Variants in USP42 observed in about 807,000 individuals in gnomAD.
USP42 encodes the protein ubiquitin carboxyl-terminal hydrolase 42.
USP42 carries 23 observed loss-of-function variants against 113.0 expected under a neutral mutation model. The ratio of observed to expected loss-of-function variants is 0.20; its 90% confidence interval spans 0.15 to 0.29. The LOEUF is 0.29. Ranked by LOEUF, USP42 falls within the 10% of genes least tolerant of loss-of-function variation. USP42 has a pLI of 1.00. For missense variants in USP42, 2,174 were observed against 1,779.8 expected (o/e 1.22, Z -3.99); for synonymous variants, 933 against 699.0 (o/e 1.33, Z -5.28).
intron 3 of USP42, among the ~76,000 whole-genome samples, chr7:6,124,337 G>A (rs1464111873): frequency 2.0e-5 from 3 of 151,832 alleles, no homozygotes; most frequent in Non-Finnish European, 2.9e-5. Context: ...GCGCGATCTC[G>A]GCTCACTGCA....
chr7:6,115,773 CTTG>C (rs1349503078), intron 3 of USP42, among the ~76,000 whole-genome samples: 2 of 151,968 alleles, frequency 1.3e-5, no homozygotes, highest in African/African-American at 4.8e-5. Flanking sequence ...TTCTGAACTC[CTTG>C]TTGGTTTTCT....
intron 9 of USP42, among the ~76,000 whole-genome samples, chr7:6,144,818 C>T (rs183908510): frequency 3.5e-4 from 52 of 150,404 alleles, no homozygotes; most frequent in Non-Finnish European, 5.8e-4. Context: ...TGCAGTGAGC[C>T]GAGATTGTGC....
chr7:6,138,591 G>T (rs572819794), intron 4 of USP42, among the ~76,000 whole-genome samples: 2 of 152,296 alleles, frequency 1.3e-5, no homozygotes, highest in Admixed American at 6.5e-5. Context: ...TAAAGCAGGG[G>T]TCCCTAACCC....
chr7:6,139,259 A>G lies in USP42; in HGVS notation c.656+65A>G. ...TCTCTGGTTGTAGTTTATTCTTATC[A>G]GAATTCATTTTCACCTTTTTTGTTG... is the stretch of plus-strand genomic sequence containing the variant. On this transcript the variant is annotated intron_variant, in intron 5 of 17. Transcript: ENST00000306177. The surrounding 1 kb of genome is among the most constrained non-coding windows in gnomAD (Gnocchi z 4.5). The G allele has an allele frequency of 7.7e-7, 1 of 1,303,394 alleles. No homozygotes were observed. Among genetic ancestry groups the G allele is most frequent in the East Asian group, 2.6e-5 (1 of 38,294 alleles). The allele number at this position is 1,303,394 out of a possible 1,614,324, so 80.7% of individuals were successfully genotyped here. A position where few individuals can be genotyped will look rare whatever the true frequency, so the allele number is the denominator to read the frequency against.
intron 3 of USP42, among the ~76,000 whole-genome samples, chr7:6,126,818 G>A (rs888600613): frequency 5.9e-5 from 9 of 152,200 alleles, no homozygotes; most frequent in African/African-American, 2.2e-4. Flanking sequence ...GGTGAGTGGA[G>A]CTGCTATAAA....
At chr7:6,144,218 T>G in intron 9 of USP42, 22 bp downstream of exon 9, 1 of 1,488,380 alleles carries the variant, frequency 6.7e-7, no homozygotes, top group East Asian at 2.4e-5. Context: ...ATGTCATTAA[T>G]CATGTTTTAT....
chr7:6,091,710 C>CACACACACACACAG, the USP42 span, among the ~76,000 whole-genome samples: 1 of 150,428 alleles, frequency 6.6e-6, no homozygotes, highest in Non-Finnish European at 1.5e-5. Flanking sequence ...CACACACACA[C>CACACACACACACAG]ACACATATAT....
chr7:6,099,124 A>T, the USP42 span, among the ~76,000 whole-genome samples: 1 of 149,218 alleles, frequency 6.7e-6, no homozygotes, highest in African/African-American at 2.5e-5. Flanking sequence ...CTCTGATTAT[A>T]GATGACAGAC....
intron 3 of USP42, among the ~76,000 whole-genome samples, chr7:6,125,185 A>AC (rs1780461696): frequency 3.5e-5 from 5 of 141,870 alleles, no homozygotes; most frequent in Admixed American, 2.1e-4. Flanking sequence ...TGTCTCAACA[A>AC]AAAAAAAAAA....
At chr7:6,146,717 A>G (rs1223412041) in intron 11 of USP42, among the ~76,000 whole-genome samples, 1 of 152,154 alleles carries the variant, frequency 6.6e-6, no homozygotes, top group Non-Finnish European at 1.5e-5. Flanking sequence ...TAAGAAAGGT[A>G]GTGTCTGAGC....
intron 3 of USP42, among the ~76,000 whole-genome samples, chr7:6,122,758 CTG>C (rs1203525654): frequency 6.6e-6 from 1 of 151,974 alleles, no homozygotes; most frequent in Middle Eastern, 3.2e-3. Flanking sequence ...GCGTGAGTCA[CTG>C]TGTCCAGCCT....
intron 4 of USP42, among the ~76,000 whole-genome samples, chr7:6,138,262 T>A (rs931290869): frequency 3.9e-5 from 6 of 152,232 alleles, no homozygotes; most frequent in South Asian, 2.1e-4. Flanking sequence ...TATTGTAATT[T>A]AAAAAATAAT....
In USP42 at chr7:6,154,617, C is replaced by G; in HGVS notation, c.3063C>G (p.His1021Gln). 1 of 1,595,742 alleles carries G rather than the reference C, an allele frequency of 6.3e-7. No individual in the cohort carries two copies. The change falls in exon 15 of 18, where the codon CAC becomes CAG. Residue 1021 changes from histidine to glutamine, a missense_variant. Physicochemically the swap from His to Gln is conservative, Grantham distance 24. Coordinates refer to ENST00000306177, the MANE Select transcript of USP42 (RefSeq NM_032172.3). ...RRSLGRCSHH[H>Q]SRHRSGVELD... ...CTCTGGGCAGGTGCAGTCACCACCACTCCCGACACCGGAGCGGGGTGGAGC... is the reference window on the plus strand; with the variant it reads ...CTCTGGGCAGGTGCAGTCACCACCAGTCCCGACACCGGAGCGGGGTGGAGC...
Position 6,159,751 on chromosome 7 carries a change from G to A in USP42, c.*36+258G>A. Among the ~76,000 whole-genome samples, 1 of 152,254 alleles carries A rather than the reference G, an allele frequency of 6.6e-6. No individual in the cohort carries two copies. The highest frequency in any genetic ancestry group is 1.9e-4 in the East Asian group (1 of 5,200). The stretch of plus-strand genomic sequence containing the variant: ...TCCTTCACGCAGGCAGAGTCGCCCT[G>A]TTCCCTTGTGCCTCACTTGGGAAAA... On this transcript the variant is annotated intron_variant, in intron 17 of 17. Coordinates refer to ENST00000306177, the MANE Select transcript of USP42 (RefSeq NM_032172.3). The surrounding 1 kb of genome is among the most constrained non-coding windows in gnomAD (Gnocchi z 4.1).
intron 3 of USP42, among the ~76,000 whole-genome samples, chr7:6,120,832 C>T (rs935906403): frequency 1.3e-5 from 2 of 150,348 alleles, no homozygotes; most frequent in Non-Finnish European, 3.0e-5. Flanking sequence ...GATCCACCTG[C>T]CTCGGCCTCC....
At position 6,114,656 on chromosome 7, in the gene USP42, G is replaced by GTATA. The variant is rs71008362; in HGVS notation, c.242-647_242-644dup. Among the ~76,000 whole-genome samples, 244 of 60,504 alleles carry GTATA rather than the reference G, an allele frequency of 4.0e-3. 9 individuals are homozygous for GTATA. Among genetic ancestry groups the GTATA allele is most frequent in the African/African-American group, 0.017 (218 of 12,562 alleles). 39.7% of individuals were successfully genotyped at this position (60,504 alleles called of 152,430 possible). A position where few individuals can be genotyped will look rare whatever the true frequency, so the allele number is the denominator to read the frequency against. On this transcript the variant is annotated intron_variant, in intron 2 of 17. Transcript: ENST00000306177. ...TGTGTGTATATATGTATGTGTGTGT[G>GTATA]TATATATATATATATATATATATTT...
chr7:6,118,439 A>G (rs551898167), intron 3 of USP42, among the ~76,000 whole-genome samples: 50 of 152,028 alleles, frequency 3.3e-4, no homozygotes, highest in African/African-American at 1.1e-3. Flanking sequence ...GGAGGATCAC[A>G]TGAGCCCAGG....
chr7:6,149,956 C>T lies in USP42; in HGVS notation c.1760C>T (p.Ser587Phe), dbSNP rs766370206. The T allele has an allele frequency of 6.2e-7, 1 of 1,613,998 alleles. No individual in the cohort carries two copies. Among genetic ancestry groups the T allele is most frequent in the East Asian group, 2.2e-5 (1 of 44,884 alleles). ...KVTKPIPRSE[S>F]CSQPVMNGKS... ...ACAAAACCGATCCCCCGCAGTGAAT[C>T]CTGCTCCCAGCCCGTGATGAATGGC... Residue 587 changes from serine to phenylalanine, a missense_variant, in exon 13 of 18, where the codon TCC (serine) becomes TTC (phenylalanine). Coordinates refer to ENST00000306177, the MANE Select transcript of USP42 (RefSeq NM_032172.3).
In USP42 at chr7:6,161,276, G is replaced by A. The variant is rs932782370; in HGVS notation, c.*758G>A. Reference sequence around the variant, plus strand: ...TCTCCGTTGTCTGCTTGGTCCCTTCGAGTTTCTAGTTACAGACACAATCAT... The same window carrying A: ...TCTCCGTTGTCTGCTTGGTCCCTTCAAGTTTCTAGTTACAGACACAATCAT... On this transcript the variant is annotated 3_prime_UTR_variant, in exon 18 of 18. Coordinates refer to ENST00000306177, the MANE Select transcript of USP42 (RefSeq NM_032172.3). 6.6e-6 allele frequency: 1 copy of A among 152,394 alleles called. No individual in the cohort carries two copies. Among genetic ancestry groups the A allele is most frequent in the African/African-American group, 2.4e-5 (1 of 41,342 alleles). The allele number at this position is 152,394 out of a possible 1,614,324, so 9.4% of individuals were successfully genotyped here. A position where few individuals can be genotyped will look rare whatever the true frequency, so the allele number is the denominator to read the frequency against.
Sources: gnomAD v4.1 joint callset for allele counts (sites outside exome capture counted in the v4.1 genomes callset) on GRCh38, gnomAD v4.1.1 for gene constraint, Gnocchi (gnomAD v3.1) non-coding constraint, MANE v1.5 for transcripts, NCBI Gene and HGNC (gene_info 2026-07-23, HGNC 2026-07-21) for gene names.